GPR158: variants seen among roughly 807,000 people sequenced by gnomAD.
GPR158 encodes metabotropic glycine receptor.
GPR158 carries 30 observed loss-of-function variants against 78.2 expected under a neutral mutation model. The ratio of observed to expected loss-of-function variants is 0.38; its 90% CI spans 0.29 to 0.52. The LOEUF (loss-of-function observed/expected upper bound fraction) is 0.52. Among genes scored for constraint, GPR158 ranks in the 20% least tolerant of loss-of-function variants. The probability of loss-of-function intolerance (pLI) is 0.83; values close to 1 mark genes in which losing one functional copy is unlikely to be tolerated. For synonymous variants in GPR158, 581 were observed against 591.1 expected (o/e 0.98, Z 0.25); for missense variants, 1,463 against 1,523.5 (o/e 0.96, Z 0.66).
chr10:25,232,582 A>G (rs1449257198), intron 2 of GPR158, among the ~76,000 whole-genome samples: 2 of 152,130 alleles, frequency 1.3e-5, no homozygotes, highest in African/African-American at 4.8e-5. Context: ...TTTTGTTGGT[A>G]TCTTCACCAA....
intron 2 of GPR158, among the ~76,000 whole-genome samples, chr10:25,296,565 G>A (rs532791551): frequency 1.1e-4 from 17 of 152,098 alleles, no homozygotes; most frequent in African/African-American, 3.9e-4. Context: ...GAGGTTAGGG[G>A]TTTTGCCTTG....
At chr10:25,332,572 C>G (rs1855141708) in intron 2 of GPR158, among the ~76,000 whole-genome samples, 1 of 152,104 alleles carries the variant, frequency 6.6e-6, no homozygotes, top group Non-Finnish European at 1.5e-5. Context: ...GAGCCTGGTA[C>G]TGTATTTGCA....
At chr10:25,369,023 A>C (rs1452311054) in intron 2 of GPR158, among the ~76,000 whole-genome samples, 10 of 150,968 alleles carry the variant, frequency 6.6e-5, no homozygotes, top group South Asian at 6.3e-4. Context: ...TTGATTTTGT[A>C]TCCTGAGACT....
intron 2 of GPR158, among the ~76,000 whole-genome samples, chr10:25,305,138 T>TAAGA (rs1387385097): frequency 1.3e-5 from 2 of 152,222 alleles, no homozygotes; most frequent in Admixed American, 1.3e-4. Flanking sequence ...CCTGTAGAAC[T>TAAGA]TGGCAAGGTC....
chr10:25,564,067 T>C (rs1836896205), intron 6 of GPR158, among the ~76,000 whole-genome samples: 1 of 152,224 alleles, frequency 6.6e-6, no homozygotes. Context: ...GTCTGTATTC[T>C]TTGTTTTGTG....
chr10:25,226,984 T>C (rs1427584471), intron 2 of GPR158, among the ~76,000 whole-genome samples: 1 of 152,232 alleles, frequency 6.6e-6, no homozygotes, highest in African/African-American at 2.4e-5. Context: ...AAGGAGGCCA[T>C]ATCACCACTG....
chr10:25,568,357 G>A (rs896005289), intron 6 of GPR158, among the ~76,000 whole-genome samples: 7 of 152,188 alleles, frequency 4.6e-5, no homozygotes, highest in Non-Finnish European at 1.0e-4. Flanking sequence ...CCATTCAAGG[G>A]ACAGACTGAG....
chr10:25,468,978 T>A (rs1011674933), intron 5 of GPR158, among the ~76,000 whole-genome samples: 9 of 152,110 alleles, frequency 5.9e-5, no homozygotes, highest in Non-Finnish European at 1.5e-5. Context: ...GAATAAAATA[T>A]CCCTTGGCAG....
chr10:25,235,738 C>G (rs1853513845), intron 2 of GPR158, among the ~76,000 whole-genome samples: 1 of 136,818 alleles, frequency 7.3e-6, no homozygotes, highest in Non-Finnish European at 1.5e-5. Context: ...TCTCTGTCAT[C>G]CAGGCTGGAG....
intron 5 of GPR158, among the ~76,000 whole-genome samples, chr10:25,507,260 G>A (rs1326783090): frequency 6.6e-6 from 1 of 152,184 alleles, no homozygotes; most frequent in African/African-American, 2.4e-5. Flanking sequence ...ATCATTTATT[G>A]CCTGCATGGA....
chr10:25,565,276 G>A (rs1836914228), intron 6 of GPR158, among the ~76,000 whole-genome samples: 1 of 152,154 alleles, frequency 6.6e-6, no homozygotes, highest in Non-Finnish European at 1.5e-5. Context: ...ATTTATAAGG[G>A]TACAGGAAAT....
rs1209956176 is a variant in GPR158 at position 25,598,848 on chromosome 10, G to C, written c.3222G>C (p.Trp1074Cys). ...TAGATAAGGCTGAAGTATGCCTTTG[G>C]GAGAGCCAAGGCCAGTCCATTTTGG... ...KRIDKAEVCL[W>C]ESQGQSILED... The change falls in exon 11 of 11, where the codon TGG becomes TGC. Residue 1074 changes from tryptophan (W) to cysteine (C), a missense_variant. Transcript: ENST00000376351. The C allele has an allele frequency of 6.2e-7, 1 of 1,614,054 alleles. No individual in the cohort carries two copies.
At chr10:25,586,286 G>A (rs553973557) in intron 7 of GPR158, among the ~76,000 whole-genome samples, 1 of 151,936 alleles carries the variant, frequency 6.6e-6, no homozygotes, top group African/African-American at 2.4e-5. Context: ...AGCAACATGG[G>A]CAGCTAATGT....
At chr10:25,573,090 A>G (rs551489925) in intron 7 of GPR158, among the ~76,000 whole-genome samples, 1 of 152,340 alleles carries the variant, frequency 6.6e-6, no homozygotes, top group Admixed American at 6.5e-5. Context: ...TTTCAAAGGT[A>G]TATAGCTTTG....
At chr10:25,371,353 G>A (rs1329341376) in intron 2 of GPR158, among the ~76,000 whole-genome samples, 1 of 151,572 alleles carries the variant, frequency 6.6e-6, no homozygotes, top group Non-Finnish European at 1.5e-5. Context: ...AGGTCTTTTA[G>A]GGCAGGCCTG....
chr10:25,442,689 A>G (rs1344311136), intron 4 of GPR158, among the ~76,000 whole-genome samples: 1 of 152,092 alleles, frequency 6.6e-6, no homozygotes, highest in Non-Finnish European at 1.5e-5. Flanking sequence ...TAAGAACCAC[A>G]TCTTTCTCAT....
At chr10:25,492,086 C>T (rs867107477) in intron 5 of GPR158, among the ~76,000 whole-genome samples, 1 of 151,864 alleles carries the variant, frequency 6.6e-6, no homozygotes, top group Non-Finnish European at 1.5e-5. Flanking sequence ...TGGTGGAAGG[C>T]GAAGGGGAGC....
intron 5 of GPR158, among the ~76,000 whole-genome samples, chr10:25,471,060 T>C (rs1349821633): frequency 1.3e-5 from 2 of 152,102 alleles, no homozygotes; most frequent in Non-Finnish European, 2.9e-5. Context: ...CTGCACCCAT[T>C]AACTTGTCAT....
intron 4 of GPR158, among the ~76,000 whole-genome samples, chr10:25,420,819 T>A (rs2130560434): frequency 6.6e-6 from 1 of 152,312 alleles, no homozygotes; most frequent in South Asian, 2.1e-4. Context: ...ATTCCGTTGG[T>A]CTGTGTGCCC....
Sources: gnomAD v4.1 joint callset for allele counts (sites outside exome capture counted in the v4.1 genomes callset) on GRCh38, gnomAD v4.1.1 for gene constraint, MANE v1.5 for transcripts, NCBI Gene and HGNC (gene_info 2026-07-23, HGNC 2026-07-21) for gene names.